DOK6: variants seen among roughly 807,000 people sequenced by gnomAD.
The protein encoded by DOK6 is docking protein 6.
A neutral mutation model predicts 44.0 loss-of-function variants in DOK6; 22 were observed. That is an observed-to-expected ratio of 0.50 (90% CI 0.36 to 0.71). DOK6 has a LOEUF of 0.71. Among genes scored for constraint, DOK6 ranks in the 30% least tolerant of loss-of-function variants. The pLI is 0.00. For synonymous variants in DOK6, 166 were observed against 145.5 expected (o/e 1.14, Z -1.01); for missense variants, 340 against 416.4 (o/e 0.82, Z 1.60).
intron 1 of DOK6, among the ~76,000 whole-genome samples, chr18:69,534,072 T>G (rs1982054915): frequency 6.6e-6 from 1 of 152,108 alleles, no homozygotes; most frequent in Non-Finnish European, 1.5e-5. Context: ...ATTACCTCAT[T>G]AAATCATTGC....
intron 5 of DOK6, among the ~76,000 whole-genome samples, chr18:69,701,593 C>T (rs1025789025): frequency 5.3e-5 from 8 of 152,194 alleles, no homozygotes; most frequent in South Asian, 2.1e-4. Flanking sequence ...AAAATTCAGG[C>T]GAACCCCTGA....
chr18:69,564,403 A>T, intron 1 of DOK6, 84 bp from the exon 2 acceptor site: 2 of 1,182,510 alleles, frequency 1.7e-6, no homozygotes, highest in Non-Finnish European at 2.4e-6. Context: ...AAGTACACTT[A>T]AAAAATTGAT....
At chr18:69,722,621 A>G (rs1978290511) in intron 5 of DOK6, among the ~76,000 whole-genome samples, 1 of 152,252 alleles carries the variant, frequency 6.6e-6, no homozygotes, top group Non-Finnish European at 1.5e-5. Context: ...AACCCTGAAT[A>G]TAAACCTCTA....
intron 1 of DOK6, among the ~76,000 whole-genome samples, chr18:69,529,450 G>T (rs1002760178): frequency 3.3e-5 from 5 of 152,070 alleles, no homozygotes; most frequent in Non-Finnish European, 5.9e-5. Flanking sequence ...TGCAACCTCC[G>T]CAATCTTTAT....
At chr18:69,503,145 A>G (rs993016132) in intron 1 of DOK6, among the ~76,000 whole-genome samples, 1 of 152,266 alleles carries the variant, frequency 6.6e-6, no homozygotes, top group African/African-American at 2.4e-5. Flanking sequence ...AAATATTTGT[A>G]TAATAAATAG....
chr18:69,750,057 A>T (rs995077699), intron 6 of DOK6, among the ~76,000 whole-genome samples: 20 of 147,640 alleles, frequency 1.4e-4, no homozygotes, highest in African/African-American at 3.9e-4. Flanking sequence ...ATATATATAT[A>T]TTATATATAT....
At chr18:69,658,498 T>C (rs1339303712) in intron 3 of DOK6, among the ~76,000 whole-genome samples, 1 of 152,222 alleles carries the variant, frequency 6.6e-6, no homozygotes, top group African/African-American at 2.4e-5. Flanking sequence ...TAATTACTAC[T>C]ACTATTACTA....
intron 1 of DOK6, among the ~76,000 whole-genome samples, chr18:69,511,195 G>A (rs949559040): frequency 1.3e-5 from 2 of 152,094 alleles, no homozygotes; most frequent in Non-Finnish European, 2.9e-5. Context: ...AGCTCTTCAA[G>A]ACCTTGAACC....
At chr18:69,433,672 A>AAAAAC (rs1449440723) in intron 1 of DOK6, among the ~76,000 whole-genome samples, 1 of 152,180 alleles carries the variant, frequency 6.6e-6, no homozygotes, top group East Asian at 1.9e-4. Context: ...TATATTGAAA[A>AAAAAC]AAAAACAAAA....
intron 2 of DOK6, among the ~76,000 whole-genome samples, chr18:69,586,804 G>C (rs1983511897): frequency 6.6e-6 from 1 of 152,130 alleles, no homozygotes; most frequent in Admixed American, 6.5e-5. Context: ...CGTTGACAAG[G>C]AGCTCTTGCC....
intron 7 of DOK6, among the ~76,000 whole-genome samples, chr18:69,834,495 T>G (rs1182835584): frequency 1.3e-5 from 2 of 152,190 alleles, no homozygotes; most frequent in African/African-American, 2.4e-5. Context: ...AACAATAATT[T>G]ATTGTATTTT....
At chr18:69,470,398 C>T (rs1459932881) in intron 1 of DOK6, among the ~76,000 whole-genome samples, 1 of 152,182 alleles carries the variant, frequency 6.6e-6, no homozygotes, top group East Asian at 1.9e-4. Context: ...CATAGGGAGG[C>T]TGGAGCCAGG....
intron 1 of DOK6, among the ~76,000 whole-genome samples, chr18:69,460,455 C>A (rs1979756654): frequency 6.6e-6 from 1 of 152,066 alleles, no homozygotes; most frequent in African/African-American, 2.4e-5. Context: ...ATGTTTTATG[C>A]AGGTGTAGCT....
At position 69,564,582 on chromosome 18, in the gene DOK6, A is replaced by T; in HGVS notation, c.162A>T (p.Arg54Ser). 1 of 1,613,368 alleles carries T rather than the reference A, an allele frequency of 6.2e-7. No individual in the cohort carries two copies. The highest frequency in any genetic ancestry group is 8.5e-7 in the Non-Finnish European group (1 of 1,179,724). ...KFPDEKAAYFRNFHKVTELHN... is the reference protein window; with the variant it reads ...KFPDEKAAYFSNFHKVTELHN... Reference sequence around the variant, plus strand: ...CAGATGAAAAGGCAGCTTATTTCAGAAACTTTCATAAGGTAAGTCACAGTC... The same window carrying T: ...CAGATGAAAAGGCAGCTTATTTCAGTAACTTTCATAAGGTAAGTCACAGTC... The change falls in exon 2 of 8, where the codon AGA becomes AGT. Residue 54 changes from arginine (R) to serine (S), a missense_variant. By Grantham distance (110) the Arg-to-Ser change is moderately radical. Coordinates refer to ENST00000382713, the MANE Select transcript of DOK6 (RefSeq NM_152721.6).
intron 2 of DOK6, among the ~76,000 whole-genome samples, chr18:69,592,466 G>A (rs921963985): frequency 6.6e-5 from 10 of 151,934 alleles, no homozygotes; most frequent in Non-Finnish European, 1.0e-4. Context: ...TACTAGCACC[G>A]TGAATTGCTT....
At chr18:69,710,917 T>C (rs1986740732) in intron 5 of DOK6, among the ~76,000 whole-genome samples, 1 of 152,232 alleles carries the variant, frequency 6.6e-6, no homozygotes, top group African/African-American at 2.4e-5. Context: ...TGTGTCTTAA[T>C]AGAAGATACA....
At chr18:69,567,679 C>T (rs539743354) in intron 2 of DOK6, among the ~76,000 whole-genome samples, 1 of 152,240 alleles carries the variant, frequency 6.6e-6, no homozygotes, top group African/African-American at 2.4e-5. Context: ...TAACAGTGAT[C>T]CTCTGACAGT....
At chr18:69,469,567 C>G (rs993518404) in intron 1 of DOK6, 4 of 176,746 alleles carry the variant, frequency 2.3e-5, no homozygotes, top group African/African-American at 9.6e-5. Context: ...ACTTACTCAT[C>G]ATCTGCCGGA....
At chr18:69,527,536 G>A (rs1376601857) in intron 1 of DOK6, among the ~76,000 whole-genome samples, 2 of 152,182 alleles carry the variant, frequency 1.3e-5, no homozygotes, top group East Asian at 1.9e-4. Flanking sequence ...CTCCCACTGG[G>A]TCCCTCCCAG....
Sources: allele counts gnomAD v4.1 joint callset (sites outside exome capture counted in the v4.1 genomes callset), GRCh38; gene constraint gnomAD v4.1.1; transcripts MANE v1.5; gene names NCBI Gene and HGNC (gene_info 2026-07-23, HGNC 2026-07-21).